POLR3K: variants seen among roughly 807,000 people sequenced by gnomAD.
POLR3K encodes DNA-directed RNA polymerase III subunit RPC10.
In POLR3K, 11 loss-of-function variants were observed where a neutral mutation model predicts 13.5. The ratio of observed to expected loss-of-function variants is 0.81; its 90% confidence interval spans 0.51 to 1.35. POLR3K has a LOEUF of 1.35. Among genes scored for constraint, POLR3K ranks in the 40% most tolerant of loss-of-function variants. POLR3K has a pLI of 0.00. For missense variants in POLR3K, 144 were observed against 145.3 expected, an observed-to-expected ratio of 0.99 and a Z score of 0.05; for synonymous variants, 56 against 51.5, an observed-to-expected ratio of 1.09 and a Z score of -0.38.
intron 1 of POLR3K, among the ~76,000 whole-genome samples, chr16:52,783 A>AT (rs1480702529): frequency 7.8e-5 from 2 of 25,652 alleles, no homozygotes; most frequent in African/African-American, 2.6e-4. Context: ...AAAAAAAAAA[A>AT]AAAAAAAAAA....
chr16:53,295 A>G, intron 1 of POLR3K, 181 bp downstream of exon 1: 1 of 1,225,068 alleles, frequency 8.2e-7, no homozygotes, highest in Non-Finnish European at 1.1e-6. Context: ...GCGGTGGGAA[A>G]CGGTGGGGCT....
At position 51,643 on chromosome 16, in the gene POLR3K, TACCTAACAA is replaced by T; in HGVS notation, c.112-7_113del. 4 of 1,613,516 alleles carry T rather than the reference TACCTAACAA, an allele frequency of 2.5e-6. No homozygotes were observed. The highest frequency in any genetic ancestry group is 2.5e-6 in the Non-Finnish European group (3 of 1,179,486). ...TCAGTTTTGGGTACTTCCGATTTGT[TACCTAACAA>T]AAACAACACTTCAGACTCCAAGTAA... On this transcript the variant is annotated splice_acceptor_variant and splice_polypyrimidine_tract_variant and coding_sequence_variant and intron_variant, in exon 2 of 3. Transcript: ENST00000293860. LOFTEE classifies it high-confidence loss of function.
chr16:53,260 G>A, intron 1 of POLR3K: 2 of 921,124 alleles, frequency 2.2e-6, no homozygotes, highest in Non-Finnish European at 1.5e-6. Context: ...AGAGAAGGGC[G>A]CGAGCGTGGG....
intron 2 of POLR3K, among the ~76,000 whole-genome samples, chr16:50,051 C>T (rs542547553): frequency 2.0e-5 from 3 of 152,060 alleles, no homozygotes; most frequent in South Asian, 4.1e-4. Context: ...CTCCACTTCC[C>T]GGGTTCAAGC....
At chr16:49,951 A>C (rs1258848646) in intron 2 of POLR3K, among the ~76,000 whole-genome samples, 1 of 151,496 alleles carries the variant, frequency 6.6e-6, no homozygotes, top group African/African-American at 2.4e-5. Context: ...ACTTTTTCAC[A>C]TAGCAGATTT....
rs776373280 is a variant in POLR3K at position 53,483 on chromosome 16, G to A, written c.104C>T (p.Thr35Ile). Residue 35 changes from threonine to isoleucine, a missense_variant, in exon 1 of 3, where the codon ACC becomes ATC. Physicochemically the swap from Thr to Ile is moderately conservative, Grantham distance 89. Transcript: ENST00000293860. Reference sequence around the variant, plus strand: ...CCGGCCTTCGGGTCCCACCTTGCGGGTGATGTTGTGCACGTAGGGGCACGT... The same window carrying A: ...CCGGCCTTCGGGTCCCACCTTGCGGATGATGTTGTGCACGTAGGGGCACGT... ...CNTCPYVHNI[T>I]RKVTNRKYPK... 1.2e-5 allele frequency: 20 copies of A among 1,611,086 alleles called. No homozygotes were observed. The highest frequency in any genetic ancestry group is 8.8e-5 in the South Asian group (8 of 90,880).
rs1391178130 is a variant in POLR3K at position 51,655 on chromosome 16, A to C, written c.112-10T>G. ...ACTTCCGATTTGTTACCTAACAAAA[A>C]CAACACTTCAGACTCCAAGTAACTG... On this transcript the variant is annotated splice_polypyrimidine_tract_variant and intron_variant, in intron 1 of 2. Transcript: ENST00000293860. 1 of 1,608,472 alleles carries C rather than the reference A, an allele frequency of 6.2e-7. No homozygotes were observed. Among genetic ancestry groups the C allele is most frequent in the Admixed American group, 1.7e-5 (1 of 59,994 alleles).
At chr16:49,920 G>C (rs1897317361) in intron 2 of POLR3K, among the ~76,000 whole-genome samples, 1 of 152,118 alleles carries the variant, frequency 6.6e-6, no homozygotes, top group Non-Finnish European at 1.5e-5. Context: ...TTATAGGTGT[G>C]AGCCACCGTG....
chr16:51,481 T>C, intron 2 of POLR3K, 77 bp downstream of exon 2: 2 of 1,134,954 alleles, frequency 1.8e-6, no homozygotes, highest in East Asian at 2.4e-5. Flanking sequence ...TATGACATCA[T>C]AGACTCTGCC....
At chr16:51,686 C>T (rs773774057) in intron 1 of POLR3K, 41 bp from the exon 2 acceptor site, 12 of 1,539,496 alleles carry the variant, frequency 7.8e-6, no homozygotes, top group South Asian at 2.2e-5. Context: ...AACTGAATAG[C>T]GCAAACCTGG....
chr16:50,481 C>G (rs2141834239), intron 2 of POLR3K, among the ~76,000 whole-genome samples: 1 of 152,318 alleles, frequency 6.6e-6, no homozygotes, highest in African/African-American at 2.4e-5. Context: ...CGTTCTCACA[C>G]TGCTATGAAT....
chr16:47,518 A>G lies in POLR3K; in HGVS notation c.239T>C (p.Met80Thr), dbSNP rs1286106342. Reference protein sequence around the residue: ...PKCEHPRAYFMQLQTRSADEP... With the variant: ...PKCEHPRAYFTQLQTRSADEP... ...ATCTGCAGAGCGGGTCTGAAGCTGC[A>G]TGAAGTAAGCACGAGGATGTTCGCA... Residue 80 changes from methionine (M) to threonine (T), a missense_variant, in exon 3 of 3, where the codon ATG (methionine) becomes ACG (threonine). Coordinates refer to ENST00000293860, the MANE Select transcript of POLR3K (RefSeq NM_016310.5). 1 of 1,613,332 alleles carries G rather than the reference A, an allele frequency of 6.2e-7. No individual in the cohort carries two copies. Among genetic ancestry groups the G allele is most frequent in the Non-Finnish European group, 8.5e-7 (1 of 1,179,450 alleles).
At chr16:50,876 GAAAC>G (rs1897325022) in intron 2 of POLR3K, among the ~76,000 whole-genome samples, 5 of 152,218 alleles carry the variant, frequency 3.3e-5, no homozygotes, top group Non-Finnish European at 7.3e-5. Flanking sequence ...GATGCCTCAG[GAAAC>G]CTACAATCAT....
chr16:50,577 C>CAGTA (rs1897322838), intron 2 of POLR3K, among the ~76,000 whole-genome samples: 1 of 152,114 alleles, frequency 6.6e-6, no homozygotes, highest in Admixed American at 6.5e-5. Context: ...GGCTAGAGTG[C>CAGTA]AGTAGTGTGA....
intron 2 of POLR3K, among the ~76,000 whole-genome samples, chr16:49,964 A>G (rs1897317689): frequency 6.7e-6 from 1 of 150,014 alleles, no homozygotes; most frequent in South Asian, 2.1e-4. Context: ...GCAGATTTGT[A>G]TGTTCTTTTT....
chr16:51,660 A>T lies in POLR3K; in HGVS notation c.112-15T>A. On this transcript the variant is annotated splice_polypyrimidine_tract_variant and intron_variant, in intron 1 of 2. Coordinates refer to ENST00000293860, the MANE Select transcript of POLR3K (RefSeq NM_016310.5). ...CGATTTGTTACCTAACAAAAACAAC[A>T]CTTCAGACTCCAAGTAACTGAATAG... 1 of 1,603,052 alleles carries T rather than the reference A, an allele frequency of 6.2e-7. No homozygotes were observed. Among genetic ancestry groups the T allele is most frequent in the South Asian group, 1.1e-5 (1 of 90,858 alleles).
intron 1 of POLR3K, among the ~76,000 whole-genome samples, chr16:52,765 CAAAAAAAAAAAAAAAAAA>C (rs946489081): frequency 0.013 from 440 of 33,608 alleles, 8 homozygotes; most frequent in African/African-American, 0.04. Flanking sequence ...GACTCCGTCT[CAAAAAAAAAAAAAAAAAA>C]AAAAAAAAAA....
At chr16:52,802 A>T (rs914445079) in intron 1 of POLR3K, among the ~76,000 whole-genome samples, 2 of 150,996 alleles carry the variant, frequency 1.3e-5, no homozygotes, top group East Asian at 1.9e-4. Context: ...AAAACAATAA[A>T]AAAAAATAAA....
chr16:51,817 G>C (rs537173935), intron 1 of POLR3K, 172 bp from the exon 2 acceptor site: 1 of 545,774 alleles, frequency 1.8e-6, no homozygotes, highest in Non-Finnish European at 3.3e-6. Context: ...TCAAGAGATC[G>C]AGACCATCCT....
Sources: gnomAD v4.1 joint callset for allele counts (sites outside exome capture counted in the v4.1 genomes callset) on GRCh38, gnomAD v4.1.1 for gene constraint, MANE v1.5 for transcripts, NCBI Gene and HGNC (gene_info 2026-07-23, HGNC 2026-07-21) for gene names.